Variants in VWA2 observed in about 807,000 individuals in gnomAD.
VWA2 encodes the protein von Willebrand factor A domain containing 2.
VWA2 carries 73 observed loss-of-function variants against 70.4 expected under a neutral mutation model. The ratio of observed to expected loss-of-function variants is 1.04; its 90% CI spans 0.86 to 1.26. VWA2 has a LOEUF of 1.26. Ranked by LOEUF, VWA2 falls within the 50% of genes most tolerant of loss-of-function variation. VWA2 has a pLI of 0.00. For synonymous variants in VWA2, 407 were observed against 423.3 expected (o/e 0.96, Z 0.47); for missense variants, 1,011 against 998.5 (o/e 1.01, Z -0.17).
intron 1 of VWA2, among the ~76,000 whole-genome samples, chr10:114,241,311 G>T (rs2036970685): frequency 6.6e-6 from 1 of 152,126 alleles, no homozygotes; most frequent in South Asian, 2.1e-4. Flanking sequence ...ACATAAATCT[G>T]CCATTATAGT....
chr10:114,288,858 C>A, intron 11 of VWA2, 80 bp from the exon 12 acceptor site: 1 of 1,505,734 alleles, frequency 6.6e-7, no homozygotes, highest in South Asian at 1.3e-5. Context: ...TGGTCCTACC[C>A]AACCTGGCAG....
intron 5 of VWA2, among the ~76,000 whole-genome samples, chr10:114,262,314 A>G (rs1219155385): frequency 1.3e-5 from 2 of 149,578 alleles, no homozygotes; most frequent in African/African-American, 4.9e-5. Context: ...TATATATTAT[A>G]TATACATATA....
intron 1 of VWA2, among the ~76,000 whole-genome samples, chr10:114,241,185 T>C (rs2036968626): frequency 6.6e-6 from 1 of 152,184 alleles, no homozygotes; most frequent in South Asian, 2.1e-4. Flanking sequence ...ACTGCAGTGG[T>C]ACATTTGTTC....
intron 3 of VWA2, among the ~76,000 whole-genome samples, chr10:114,254,325 G>A (rs2133305965): frequency 6.6e-6 from 1 of 152,156 alleles, no homozygotes; most frequent in South Asian, 2.1e-4. Flanking sequence ...GCCCGCGTTG[G>A]TCTCCCAAAG....
chr10:114,285,972 T>A lies in VWA2; in HGVS notation c.1031T>A (p.Leu344His), dbSNP rs1564740406. Residue 344 changes from leucine (L) to histidine (H), a missense_variant, in exon 11 of 14, where the codon CTC becomes CAC. Transcript: ENST00000392982. ...LKLSLECRVD[L>H]LFLLDSSAGT... ...CTGAGCCTGGAATGCAGGGTCGACC[T>A]CCTCTTCCTGCTGGACAGCTCTGCG... 1 of 1,609,534 alleles carries A rather than the reference T, an allele frequency of 6.2e-7. No homozygotes were observed. Among genetic ancestry groups the A allele is most frequent in the East Asian group, 2.2e-5 (1 of 44,768 alleles).
chr10:114,243,728 G>A (rs12771693), intron 1 of VWA2, among the ~76,000 whole-genome samples: 23,966 of 152,174 alleles, frequency 0.16, 2,047 homozygotes, highest in Middle Eastern at 0.21. Context: ...TCCCCAATCC[G>A]GCTCTTCTTT....
At chr10:114,255,306 C>G (rs2037301994) in intron 4 of VWA2, among the ~76,000 whole-genome samples, 1 of 151,862 alleles carries the variant, frequency 6.6e-6, no homozygotes, top group South Asian at 2.1e-4. Flanking sequence ...CCTGACACAG[C>G]CAAGTTGTCC....
At chr10:114,290,464 G>T (rs754055712) in intron 13 of VWA2, 99 bp downstream of exon 13, 4 of 1,475,152 alleles carry the variant, frequency 2.7e-6, no homozygotes, top group Non-Finnish European at 3.7e-6. Flanking sequence ...TAAAACATTC[G>T]TTCAGTGGAA....
chr10:114,285,465 A>G (rs2038750245), intron 10 of VWA2, among the ~76,000 whole-genome samples: 3 of 152,252 alleles, frequency 2.0e-5, no homozygotes, highest in Non-Finnish European at 4.4e-5. Flanking sequence ...CTTGATGAAT[A>G]ATAACTTTTA....
At chr10:114,278,407 C>G (rs759022041) in intron 7 of VWA2, among the ~76,000 whole-genome samples, 2 of 152,162 alleles carry the variant, frequency 1.3e-5, no homozygotes, top group Non-Finnish European at 1.5e-5. Flanking sequence ...GCATTCTAGT[C>G]GTCCTTGTCA....
At chr10:114,244,436 A>C (rs1036022642) in intron 1 of VWA2, among the ~76,000 whole-genome samples, 2 of 152,190 alleles carry the variant, frequency 1.3e-5, no homozygotes, top group African/African-American at 4.8e-5. Context: ...TAGCTGTGTA[A>C]GCTGGGGCAG....
At position 114,278,031 on chromosome 10, in the gene VWA2, C is replaced by T; in HGVS notation, c.684C>T (p.Cys228=). 6.2e-7 allele frequency: 1 copy of T among 1,612,104 alleles called. No homozygotes were observed. Among genetic ancestry groups the T allele is most frequent in the Non-Finnish European group, 8.5e-7 (1 of 1,178,654 alleles). Residue 228 remains cysteine, a synonymous_variant, in exon 7 of 14, where the codon TGC becomes TGT. Transcript: ENST00000392982. ...GCACCCTCAGCAGCTCGGCCATCTG[C>T]TCCAGCGCCACGCCAGGTAAGATCT... ...LFSTLSSSAI[C]SSATPDCRVE... is the part of the protein sequence containing the mutation.
At chr10:114,274,530 A>G (rs879937680) in intron 6 of VWA2, among the ~76,000 whole-genome samples, 2 of 152,192 alleles carry the variant, frequency 1.3e-5, no homozygotes, top group Non-Finnish European at 2.9e-5. Context: ...GCTGGAGTGC[A>G]GTGGCGCCAT....
chr10:114,284,955 G>T lies in VWA2; in HGVS notation c.982G>T (p.Gly328Trp). The T allele has an allele frequency of 6.2e-7, 1 of 1,601,452 alleles. No individual in the cohort carries two copies. The highest frequency in any genetic ancestry group is 8.5e-7 in the Non-Finnish European group (1 of 1,174,988). ...YQCLCPLAFG[G>W]EANCALKLSL... Reference sequence around the variant, plus strand: ...GTGCCTCTGCCCGCTGGCCTTTGGAGGGGAGGCTAACTGTGGTAGGTATGC... The same window carrying T: ...GTGCCTCTGCCCGCTGGCCTTTGGATGGGAGGCTAACTGTGGTAGGTATGC... Residue 328 changes from glycine to tryptophan, a missense_variant, in exon 10 of 14, where the codon GGG becomes TGG. By Grantham distance (184) the Gly-to-Trp change is radical. Transcript: ENST00000392982.
At position 114,294,322 on chromosome 10, in the gene VWA2, GAT is replaced by G. The variant is rs1426827201; in HGVS notation, c.*3090_*3091del. Among the ~76,000 whole-genome samples the G allele has an allele frequency of 6.6e-6, 1 of 152,064 alleles. No individual in the cohort carries two copies. The highest frequency in any genetic ancestry group is 1.5e-5 in the Non-Finnish European group (1 of 68,000). Reference sequence around the variant, plus strand: ...TACATATTTCTCAAACTTTTACACTGATATATTCATAGTATTTTTTTATAATT... The same window carrying G: ...TACATATTTCTCAAACTTTTACACTGATATTCATAGTATTTTTTTATAATT... On this transcript the variant is annotated 3_prime_UTR_variant, in exon 14 of 14. Transcript: ENST00000392982.
chr10:114,286,373 G>A lies in VWA2; in HGVS notation c.1432G>A (p.Val478Ile). Residue 478 changes from valine to isoleucine, a missense_variant, in exon 11 of 14, where the codon GTA (valine) becomes ATA (isoleucine). Transcript: ENST00000392982. ...ARARELLLLG[V>I]GSEAVRAELE... ...GGCGCGAGAGCTGCTCCTGCTGGGTGTAGGCAGTGAGGCCGTGCGGGCAGA... is the reference window on the plus strand; with the variant it reads ...GGCGCGAGAGCTGCTCCTGCTGGGTATAGGCAGTGAGGCCGTGCGGGCAGA... 1 of 1,613,860 alleles carries A rather than the reference G, an allele frequency of 6.2e-7. No individual in the cohort carries two copies. Among genetic ancestry groups the A allele is most frequent in the Non-Finnish European group, 8.5e-7 (1 of 1,180,036 alleles).
intron 1 of VWA2, among the ~76,000 whole-genome samples, chr10:114,248,073 A>C (rs1201642087): frequency 6.6e-6 from 1 of 150,896 alleles, no homozygotes; most frequent in African/African-American, 2.4e-5. Context: ...GTGCCACTGC[A>C]TTCCAGCCTG....
chr10:114,287,580 G>A (rs554284263), intron 11 of VWA2, among the ~76,000 whole-genome samples: 41 of 152,310 alleles, frequency 2.7e-4, no homozygotes, highest in Middle Eastern at 3.4e-3. Flanking sequence ...CCCAAGGCGA[G>A]AGGCTTTCCC....
chr10:114,281,934 TTATAA>T (rs1390983617), intron 8 of VWA2, among the ~76,000 whole-genome samples: 4 of 152,138 alleles, frequency 2.6e-5, no homozygotes, highest in Non-Finnish European at 4.4e-5. Context: ...AGAAAGTAAC[TTATAA>T]TAAAAAGCTG....
Sources: gnomAD v4.1 joint callset for allele counts (sites outside exome capture counted in the v4.1 genomes callset) on GRCh38, gnomAD v4.1.1 for gene constraint, MANE v1.5 for transcripts, NCBI Gene and HGNC (gene_info 2026-07-23, HGNC 2026-07-21) for gene names.